The following KCNQ3 variants were observed in gnomAD, a reference collection of about 807,000 sequenced individuals.
KCNQ3 encodes the protein potassium voltage-gated channel subfamily KQT member 3.
KCNQ3 carries 30 observed loss-of-function variants against 92.5 expected under a neutral mutation model. The ratio of observed to expected loss-of-function variants is 0.32; its 90% confidence interval spans 0.24 to 0.44. The LOEUF is 0.44. Among genes scored for constraint, KCNQ3 ranks in the 20% least tolerant of loss-of-function variants. The pLI, the probability that KCNQ3 is intolerant of heterozygous loss-of-function variation, is 1.00. For synonymous variants in KCNQ3, 450 were observed against 468.8 expected (o/e 0.96, Z 0.52); for missense variants, 913 against 1,140.3 (o/e 0.80, Z 2.87).
intron 9 of KCNQ3, among the ~76,000 whole-genome samples, chr8:132,162,863 C>T (rs1261839934): frequency 6.6e-6 from 1 of 152,150 alleles, no homozygotes; most frequent in Non-Finnish European, 1.5e-5. Flanking sequence ...AGCATTTGGA[C>T]TTAGTGTCCA....
chr8:132,414,010 G>C (rs762345063), intron 1 of KCNQ3, among the ~76,000 whole-genome samples: 1 of 152,204 alleles, frequency 6.6e-6, no homozygotes, highest in Non-Finnish European at 1.5e-5. Context: ...TTCCAGAGCG[G>C]GTGCAGCCTG....
Position 132,341,224 on chromosome 8 carries a change from G to A in KCNQ3, c.386+138923C>T, listed in dbSNP as rs147762972. ...CTCCTCTTGAGTTCAGCATTAGTGC[G>A]TGACTACCTCGCAGGCAGGAGTCAT... is the stretch of plus-strand genomic sequence containing the variant. On this transcript the variant is annotated intron_variant, in intron 1 of 14. Coordinates refer to ENST00000388996, the MANE Select transcript of KCNQ3 (RefSeq NM_004519.4). Among the ~76,000 whole-genome samples the A allele has an allele frequency of 4.4e-3, 672 of 152,328 alleles. 3 individuals are homozygous for A. Among genetic ancestry groups the A allele is most frequent in the African/African-American group, 0.014 (587 of 41,570 alleles).
intron 1 of KCNQ3, among the ~76,000 whole-genome samples, chr8:132,205,460 T>TAACAA (rs1813626901): frequency 6.6e-6 from 1 of 152,214 alleles, no homozygotes; most frequent in Non-Finnish European, 1.5e-5. Flanking sequence ...ATGTTTAATT[T>TAACAA]AACAAACACT....
At chr8:132,226,475 T>C (rs1814424689) in intron 1 of KCNQ3, among the ~76,000 whole-genome samples, 1 of 152,114 alleles carries the variant, frequency 6.6e-6, no homozygotes, top group East Asian at 1.9e-4. Context: ...GGTTTTGTGG[T>C]ATATCTAAAA....
chr8:132,230,449 C>CAG (rs5895132), intron 1 of KCNQ3, among the ~76,000 whole-genome samples: 1,663 of 142,368 alleles, frequency 0.012, 11 homozygotes, highest in East Asian at 0.056. Flanking sequence ...GAGAGAGAGA[C>CAG]AGAGAGAGAG....
chr8:132,126,708 A>G lies in KCNQ3; in HGVS notation c.*2554T>C, dbSNP rs1034541486. 6.6e-6 allele frequency: 1 copy of G among 152,102 alleles called. No homozygotes were observed. Among genetic ancestry groups the G allele is most frequent in the African/African-American group, 2.4e-5 (1 of 41,392 alleles). The allele number at this position is 152,102 out of a possible 1,614,324, so 9.4% of individuals were successfully genotyped here. A position where few individuals can be genotyped will look rare whatever the true frequency, so the allele number is the denominator to read the frequency against. ...TGCTGTCCTGGTCTTATGATCCAGCAGGGAAGCTAGACTGCCTGCCTATGG... is the reference window on the plus strand; with the variant it reads ...TGCTGTCCTGGTCTTATGATCCAGCGGGGAAGCTAGACTGCCTGCCTATGG... On this transcript the variant is annotated 3_prime_UTR_variant, in exon 15 of 15. Transcript: ENST00000388996.
At chr8:132,210,301 G>A (rs1322251639) in intron 1 of KCNQ3, among the ~76,000 whole-genome samples, 1 of 152,190 alleles carries the variant, frequency 6.6e-6, no homozygotes, top group Admixed American at 6.5e-5. Flanking sequence ...CTGTGTGGAT[G>A]TGAGCCATGT....
At chr8:132,339,032 T>TC (rs1412181087) in intron 1 of KCNQ3, among the ~76,000 whole-genome samples, 1 of 152,110 alleles carries the variant, frequency 6.6e-6, no homozygotes, top group Non-Finnish European at 1.5e-5. Flanking sequence ...AACTTCCTCT[T>TC]CCCGCATTAC....
At chr8:132,431,855 C>G (rs1302424415) in intron 1 of KCNQ3, among the ~76,000 whole-genome samples, 1 of 152,210 alleles carries the variant, frequency 6.6e-6, no homozygotes, top group Non-Finnish European at 1.5e-5. Context: ...CTGTGCTCCC[C>G]ACCCAGGCAC....
intron 1 of KCNQ3, among the ~76,000 whole-genome samples, chr8:132,364,044 T>C (rs900002941): frequency 6.6e-6 from 1 of 152,160 alleles, no homozygotes; most frequent in African/African-American, 2.4e-5. Flanking sequence ...TTTGTGACCC[T>C]GATATTTGCA....
intron 1 of KCNQ3, among the ~76,000 whole-genome samples, chr8:132,389,679 A>G (rs1303217189): frequency 6.6e-6 from 1 of 152,192 alleles, no homozygotes; most frequent in African/African-American, 2.4e-5. Flanking sequence ...AAAGTGAGCA[A>G]CCCCAGAAGC....
intron 1 of KCNQ3, among the ~76,000 whole-genome samples, chr8:132,298,936 TA>T (rs1032039397): frequency 6.4e-4 from 97 of 151,896 alleles, no homozygotes; most frequent in African/African-American, 2.3e-3. Context: ...ATTACTCACT[TA>T]AAAAAAATTA....
At chr8:132,144,500 C>T (rs1052715787) in intron 9 of KCNQ3, among the ~76,000 whole-genome samples, 3 of 152,224 alleles carry the variant, frequency 2.0e-5, no homozygotes, top group African/African-American at 7.2e-5. Context: ...CCAGAGATGA[C>T]ATCAGATTTT....
At chr8:132,135,976 G>A (rs896326091) in intron 12 of KCNQ3, among the ~76,000 whole-genome samples, 7 of 151,552 alleles carry the variant, frequency 4.6e-5, no homozygotes, top group Non-Finnish European at 8.8e-5. Flanking sequence ...AAAATTAGCC[G>A]GGTATGGTGG....
At chr8:132,310,618 G>A (rs928344677) in intron 1 of KCNQ3, among the ~76,000 whole-genome samples, 3 of 152,174 alleles carry the variant, frequency 2.0e-5, no homozygotes, top group African/African-American at 2.4e-5. Flanking sequence ...TTCTCAATGT[G>A]GGCCTGGGCA....
chr8:132,334,872 G>A (rs1376563900), intron 1 of KCNQ3, among the ~76,000 whole-genome samples: 2 of 152,058 alleles, frequency 1.3e-5, no homozygotes, highest in Non-Finnish European at 2.9e-5. Flanking sequence ...TCTGGCTTGG[G>A]TCATACAACA....
chr8:132,189,827 C>CA (rs1180250435), intron 1 of KCNQ3, among the ~76,000 whole-genome samples: 39 of 47,264 alleles, frequency 8.3e-4, no homozygotes, highest in East Asian at 1.4e-3. Flanking sequence ...AACTCCATCT[C>CA]AAAAAAAAAA....
intron 1 of KCNQ3, among the ~76,000 whole-genome samples, chr8:132,193,192 G>C (rs16904623): frequency 0.12 from 17,849 of 152,160 alleles, 1,954 homozygotes; most frequent in African/African-American, 0.29. Context: ...CAGCATCCAG[G>C]CTGTCTTTGC....
At chr8:132,204,157 A>G (rs567471223) in intron 1 of KCNQ3, among the ~76,000 whole-genome samples, 12 of 152,364 alleles carry the variant, frequency 7.9e-5, no homozygotes, top group African/African-American at 2.9e-4. Context: ...GGAAGTAGGT[A>G]AAAGTTCTTT....
Sources: allele counts gnomAD v4.1 joint callset (sites outside exome capture counted in the v4.1 genomes callset), GRCh38; gene constraint gnomAD v4.1.1; transcripts MANE v1.5; gene names NCBI Gene and HGNC (gene_info 2026-07-23, HGNC 2026-07-21).